Variants in SORCS3 observed in about 807,000 individuals in gnomAD.
SORCS3 encodes VPS10 domain-containing receptor SorCS3.
In SORCS3, 57 loss-of-function variants were observed where a neutral mutation model predicts 146.3. That is an observed-to-expected ratio of 0.39 (90% CI 0.31 to 0.49). The LOEUF (loss-of-function observed/expected upper bound fraction) is 0.49, where lower values mean the gene tolerates loss of function less well. Ranked by LOEUF, SORCS3 falls within the 20% of genes least tolerant of loss-of-function variation. The pLI, the probability that SORCS3 is intolerant of heterozygous loss-of-function variation, is 0.92. For synonymous variants in SORCS3, 653 were observed against 618.5 expected (o/e 1.06, Z -0.83); for missense variants, 1,341 against 1,575.5 (o/e 0.85, Z 2.52).
At chr10:104,717,849 AGT>A (rs907775745) in intron 1 of SORCS3, among the ~76,000 whole-genome samples, 27 of 152,302 alleles carry the variant, frequency 1.8e-4, no homozygotes, top group Middle Eastern at 3.4e-3. Flanking sequence ...AGCAAAAAAA[AGT>A]GTATTTGGGC....
chr10:105,166,330 C>T (rs1484552444), intron 12 of SORCS3, among the ~76,000 whole-genome samples: 4 of 152,184 alleles, frequency 2.6e-5, no homozygotes, highest in African/African-American at 9.6e-5. Flanking sequence ...ATCTAGGCTG[C>T]ATGAACCACC....
chr10:104,892,477 T>C (rs572777159), intron 2 of SORCS3, among the ~76,000 whole-genome samples: 1 of 152,172 alleles, frequency 6.6e-6, no homozygotes, highest in Non-Finnish European at 1.5e-5. Flanking sequence ...ATCCCAGCAC[T>C]TTGGGAGGCT....
chr10:105,013,821 T>C (rs1163999957), intron 4 of SORCS3, among the ~76,000 whole-genome samples: 1 of 152,072 alleles, frequency 6.6e-6, no homozygotes, highest in African/African-American at 2.4e-5. Context: ...CTTATCAAAC[T>C]GATTTTCTAA....
intron 3 of SORCS3, among the ~76,000 whole-genome samples, chr10:104,942,944 C>T (rs1036409065): frequency 6.6e-6 from 1 of 151,934 alleles, no homozygotes; most frequent in African/African-American, 2.4e-5. Context: ...AGGTTCTAGT[C>T]AGTGCAAAAT....
At chr10:105,118,584 C>T (rs1225332720) in intron 7 of SORCS3, among the ~76,000 whole-genome samples, 3 of 152,050 alleles carry the variant, frequency 2.0e-5, no homozygotes, top group Non-Finnish European at 2.9e-5. Context: ...AGAAAGAAGA[C>T]GTGGAAAAGT....
intron 3 of SORCS3, among the ~76,000 whole-genome samples, chr10:104,955,394 A>C (rs1379996979): frequency 6.6e-6 from 1 of 152,120 alleles, no homozygotes; most frequent in African/African-American, 2.4e-5. Flanking sequence ...TGTTTACCAA[A>C]ATCAGTTTAT....
At position 104,659,454 on chromosome 10, in the gene SORCS3, T is replaced by G. The variant is rs1029515836; in HGVS notation, c.627+17500T>G. Among the ~76,000 whole-genome samples, 3 of 152,188 alleles carry G rather than the reference T, an allele frequency of 2.0e-5. No individual in the cohort carries two copies. In the South Asian group the frequency reaches 6.2e-4, roughly 31 times the overall value. ...ACTCTGATGCCCATTCGTATTCCAT[T>G]AAGTTTTTAGTCCAGAGAATTTCCC... On this transcript the variant is annotated intron_variant, in intron 1 of 26. Transcript: ENST00000369701.
intron 1 of SORCS3, among the ~76,000 whole-genome samples, chr10:104,687,238 G>A (rs2016055967): frequency 6.6e-6 from 1 of 152,168 alleles, no homozygotes; most frequent in East Asian, 1.9e-4. Context: ...TTAGATGAGG[G>A]CTCATGACTC....
intron 1 of SORCS3, among the ~76,000 whole-genome samples, chr10:104,817,411 C>A (rs1589510242): frequency 1.0e-5 from 1 of 97,540 alleles, no homozygotes; most frequent in African/African-American, 4.0e-5. Flanking sequence ...CCTCCTCCTC[C>A]CCCTTCCCCC....
At chr10:105,235,183 G>A (rs528791505) in intron 20 of SORCS3, among the ~76,000 whole-genome samples, 5 of 152,136 alleles carry the variant, frequency 3.3e-5, no homozygotes, top group Admixed American at 1.3e-4. Flanking sequence ...TTTACTTCCC[G>A]TAGCTTAGTT....
intron 9 of SORCS3, among the ~76,000 whole-genome samples, chr10:105,153,806 C>T (rs755437350): frequency 6.6e-6 from 1 of 152,016 alleles, no homozygotes; most frequent in African/African-American, 2.4e-5. Context: ...CGCGGTGGCT[C>T]ACACCTGTAA....
chr10:104,901,400 T>A (rs2018849842), intron 2 of SORCS3, among the ~76,000 whole-genome samples: 1 of 152,238 alleles, frequency 6.6e-6, no homozygotes, highest in African/African-American at 2.4e-5. Context: ...TTAACCACTC[T>A]GGTAATATAT....
chr10:105,115,100 A>C (rs1234728119), intron 7 of SORCS3, among the ~76,000 whole-genome samples: 1 of 152,136 alleles, frequency 6.6e-6, no homozygotes, highest in African/African-American at 2.4e-5. Flanking sequence ...TATGATTCAA[A>C]TAGCTAGTGG....
chr10:104,757,340 T>A (rs1005579916), intron 1 of SORCS3, among the ~76,000 whole-genome samples: 1 of 152,204 alleles, frequency 6.6e-6, no homozygotes, highest in Admixed American at 6.5e-5. Context: ...AACTAAATAA[T>A]TGCCATTAGC....
chr10:105,151,627 G>A (rs903401087), intron 9 of SORCS3, among the ~76,000 whole-genome samples: 5 of 152,002 alleles, frequency 3.3e-5, no homozygotes, highest in African/African-American at 1.2e-4. Flanking sequence ...TAATGGAGAG[G>A]AGACAAAGAA....
chr10:105,141,172 C>T (rs2056093024), intron 8 of SORCS3, among the ~76,000 whole-genome samples: 1 of 152,152 alleles, frequency 6.6e-6, no homozygotes, highest in Non-Finnish European at 1.5e-5. Context: ...CAGGTGGGGA[C>T]AAATGAGGCC....
chr10:105,095,732 C>G (rs1263963630), intron 6 of SORCS3, among the ~76,000 whole-genome samples: 4 of 151,860 alleles, frequency 2.6e-5, no homozygotes, highest in Non-Finnish European at 5.9e-5. Flanking sequence ...TATTCACAGA[C>G]AGGCAGACGT....
At chr10:104,915,551 G>A (rs936968382) in intron 2 of SORCS3, among the ~76,000 whole-genome samples, 1 of 152,126 alleles carries the variant, frequency 6.6e-6, no homozygotes, top group Non-Finnish European at 1.5e-5. Context: ...CAGCATGAGA[G>A]TCAGGCCGTC....
chr10:104,851,489 C>T (rs1213819063), intron 2 of SORCS3, among the ~76,000 whole-genome samples: 1 of 152,188 alleles, frequency 6.6e-6, no homozygotes, highest in Non-Finnish European at 1.5e-5. Context: ...GCAGTCAATT[C>T]ATTAGCCTTC....
Sources: allele counts gnomAD v4.1 joint callset (sites outside exome capture counted in the v4.1 genomes callset), GRCh38; gene constraint gnomAD v4.1.1; transcripts MANE v1.5; gene names NCBI Gene and HGNC (gene_info 2026-07-23, HGNC 2026-07-21).